The following NARS1 variants were observed in gnomAD, a reference collection of about 807,000 sequenced individuals.
The protein encoded by NARS1 is asparaginyl-tRNA synthetase 1.
In NARS1, 65 loss-of-function variants were observed where a neutral mutation model predicts 79.2. That is an observed-to-expected ratio of 0.82 (90% CI 0.67 to 1.01). The LOEUF (loss-of-function observed/expected upper bound fraction) is 1.01, where lower values mean the gene tolerates loss of function less well. Ranked by LOEUF, NARS1 falls within the 50% of genes least tolerant of loss-of-function variation. The probability of loss-of-function intolerance (pLI) is 0.00; values close to 1 mark genes in which losing one functional copy is unlikely to be tolerated. For synonymous variants in NARS1, 229 were observed against 238.8 expected (o/e 0.96, Z 0.38); for missense variants, 649 against 673.8 (o/e 0.96, Z 0.41).
intron 2 of NARS1, 31 bp downstream of exon 2, chr18:57,620,538 G>A (rs367606753): frequency 2.1e-6 from 3 of 1,410,536 alleles, no homozygotes; most frequent in African/African-American, 1.4e-5. Context: ...AATAAATGCA[G>A]TCTCATTTTC....
Position 57,605,971 on chromosome 18 carries a change from C to T in NARS1, c.1138-1G>A. 6.3e-7 allele frequency: 1 copy of T among 1,599,216 alleles called. No individual in the cohort carries two copies. ...AAGGCCGTTTGGGGGGCTGAAAGTT[C>T]TACAGAAGAAAGGAAAAATATAATG... On this transcript the variant is annotated splice_acceptor_variant, in intron 10 of 13. Transcript: ENST00000256854. LOFTEE classifies it high-confidence loss of function.
In NARS1 at chr18:57,611,709, T is replaced by TA. The variant is rs761525182; in HGVS notation, c.422-3dup. ...ACACCAGAAACATTAAATTCTTTCC[T>TA]AAAAAATGAGAAATAATAATTTAGG... On this transcript the variant is annotated splice_region_variant and splice_polypyrimidine_tract_variant and intron_variant, in intron 5 of 13. Transcript: ENST00000256854. 18 of 1,565,378 alleles carry TA rather than the reference T, an allele frequency of 1.1e-5. No homozygotes were observed. Among genetic ancestry groups the TA allele is most frequent in the Admixed American group, 3.7e-5 (2 of 54,774 alleles).
intron 7 of NARS1, among the ~76,000 whole-genome samples, chr18:57,608,113 G>A (rs1215930106): frequency 1.3e-5 from 2 of 148,446 alleles, no homozygotes; most frequent in South Asian, 2.3e-4. Context: ...TGATCCGCCC[G>A]CCTCGGCCTC....
At chr18:57,608,025 G>A (rs531736939) in intron 7 of NARS1, among the ~76,000 whole-genome samples, 55 of 151,860 alleles carry the variant, frequency 3.6e-4, no homozygotes, top group African/African-American at 1.2e-3. Flanking sequence ...CCACCACCAC[G>A]TCTGGCTAAT....
At chr18:57,616,137 C>G in intron 2 of NARS1, 162 bp from the exon 3 acceptor site, 1 of 670,428 alleles carries the variant, frequency 1.5e-6, no homozygotes, top group South Asian at 2.2e-5. Flanking sequence ...TTAAGAAGCA[C>G]ACTGGTTGGC....
Position 57,609,421 on chromosome 18 carries a change from A to C in NARS1, c.515T>G (p.Leu172Arg), listed in dbSNP as rs759359371. ...DELCQCYNGV[L>R]LSTESSVAVY... is the part of the protein sequence containing the mutation. ...TGCAACACTGCTCTCCGTGGACAAG[A>C]GAACTCCATTGTAGCACTGACACTA... Residue 172 changes from leucine (L) to arginine (R), a missense_variant, in exon 7 of 14, where the codon CTC becomes CGC. Transcript: ENST00000256854. The C allele has an allele frequency of 6.2e-7, 1 of 1,613,900 alleles. No individual in the cohort carries two copies. The highest frequency in any genetic ancestry group is 1.3e-5 in the African/African-American group (1 of 74,936).
chr18:57,606,267 A>G (rs1458173143), intron 10 of NARS1, among the ~76,000 whole-genome samples: 2 of 151,220 alleles, frequency 1.3e-5, no homozygotes, highest in African/African-American at 2.4e-5. Context: ...AATCGCTTGA[A>G]GCTGGGAGGC....
rs562487547 is a variant in NARS1, at chr18:57,608,608, C to T, written c.579+749G>A. ...GCCCATGAGGATGATTCAGGAATTC[C>T]GTAAGGCTGGAAATCATTGTATTCT... On this transcript the variant is annotated intron_variant, in intron 7 of 13. Coordinates refer to ENST00000256854, the MANE Select transcript of NARS1 (RefSeq NM_004539.4). Among the ~76,000 whole-genome samples, 8 of 152,138 alleles carry T rather than the reference C, an allele frequency of 5.3e-5. No individual in the cohort carries two copies. The East Asian group carries it at 1.4e-3, about 26-fold the overall frequency.
At position 57,615,861 on chromosome 18, in the gene NARS1, A is replaced by G. The variant is rs751445105; in HGVS notation, c.208T>C (p.Trp70Arg). ...TCACTCTTCATTTGTTCCCTATGCCACATCTTTTTAATGTTCTTCAACTGT... is the reference window on the plus strand; with the variant it reads ...TCACTCTTCATTTGTTCCCTATGCCGCATCTTTTTAATGTTCTTCAACTGT... ...KSQLKNIKKM[W>R]HREQMKSESR... Residue 70 changes from tryptophan to arginine, a missense_variant, in exon 3 of 14, where the codon TGG becomes CGG. Physicochemically the swap from Trp to Arg is moderately radical, Grantham distance 101. Coordinates refer to ENST00000256854, the MANE Select transcript of NARS1 (RefSeq NM_004539.4). 2 of 1,613,524 alleles carry G rather than the reference A, an allele frequency of 1.2e-6. No individual in the cohort carries two copies. Among genetic ancestry groups the G allele is most frequent in the East Asian group, 2.2e-5 (1 of 44,872 alleles).
chr18:57,608,118 G>A (rs550503183), intron 7 of NARS1, among the ~76,000 whole-genome samples: 6 of 150,568 alleles, frequency 4.0e-5, no homozygotes, highest in Non-Finnish European at 4.4e-5. Flanking sequence ...CGCCCGCCTC[G>A]GCCTCCCAAA....
At chr18:57,613,303 G>A (rs2051620272) in intron 5 of NARS1, among the ~76,000 whole-genome samples, 1 of 152,002 alleles carries the variant, frequency 6.6e-6, no homozygotes, top group Non-Finnish European at 1.5e-5. Context: ...GAGCAGACGG[G>A]CCAACATGGT....
chr18:57,601,520 T>C lies in NARS1; in HGVS notation c.*132A>G. On this transcript the variant is annotated 3_prime_UTR_variant, in exon 14 of 14. Transcript: ENST00000256854. Reference sequence around the variant, plus strand: ...TGTTCAGGTGATTTGAGATAGTTTTTATGGTAGTAGAAAGAAAAACAGAAA... The same window carrying C: ...TGTTCAGGTGATTTGAGATAGTTTTCATGGTAGTAGAAAGAAAAACAGAAA... The C allele has an allele frequency of 1.2e-6, 1 of 861,640 alleles. No homozygotes were observed. Among genetic ancestry groups the C allele is most frequent in the African/African-American group, 1.7e-5 (1 of 58,722 alleles). The allele number at this position is 861,640 out of a possible 1,614,324, so 53.4% of individuals were successfully genotyped here.
At chr18:57,621,326 G>A (rs1568168097) in intron 1 of NARS1, among the ~76,000 whole-genome samples, 1 of 151,110 alleles carries the variant, frequency 6.6e-6, no homozygotes, top group Non-Finnish European at 1.5e-5. Flanking sequence ...GAGGGTGGGA[G>A]AAAAACAACT....
chr18:57,612,207 C>G (rs1376616629), intron 5 of NARS1, among the ~76,000 whole-genome samples: 1 of 148,254 alleles, frequency 6.7e-6, no homozygotes, highest in African/African-American at 2.5e-5. Flanking sequence ...CTTTCAAATC[C>G]TACATGATCC....
chr18:57,615,124 C>T (rs1033767659), intron 4 of NARS1, among the ~76,000 whole-genome samples: 1 of 152,068 alleles, frequency 6.6e-6, no homozygotes, highest in African/African-American at 2.4e-5. Flanking sequence ...GCAGAAACTG[C>T]ACCACTGCAC....
chr18:57,615,503 A>AAAAT lies in NARS1; in HGVS notation c.342+134_342+137dup, dbSNP rs201027555. ...GGCGACAGAGCAAGACTCCGTCTCA[A>AAAAT]AAATAAATAAATAAATAAATAAATG... is the stretch of plus-strand genomic sequence containing the variant. On this transcript the variant is annotated intron_variant, in intron 4 of 13. Coordinates refer to ENST00000256854, the MANE Select transcript of NARS1 (RefSeq NM_004539.4). The AAAAT allele has an allele frequency of 3.2e-4, 197 of 618,334 alleles. No individual in the cohort carries two copies. In the East Asian group the frequency reaches 3.9e-3, roughly 12 times the overall value. 38.3% of individuals were successfully genotyped at this position (618,334 alleles called of 1,614,324 possible). A position where few individuals can be genotyped will look rare whatever the true frequency, so the allele number is the denominator to read the frequency against.
intron 9 of NARS1, 179 bp downstream of exon 9, chr18:57,606,955 G>T: frequency 1.1e-6 from 1 of 920,238 alleles, no homozygotes; most frequent in Non-Finnish European, 1.6e-6. Context: ...TCAAGTCAAA[G>T]TGAAAAAAGA....
At chr18:57,606,318 C>A (rs1342134341) in intron 10 of NARS1, among the ~76,000 whole-genome samples, 1 of 143,828 alleles carries the variant, frequency 7.0e-6, no homozygotes, top group Non-Finnish European at 1.5e-5. Context: ...TGTACTTCAG[C>A]CTGGCGACAG....
chr18:57,615,840 T>C lies in NARS1; in HGVS notation c.229A>G (p.Ser77Gly). 6.2e-7 allele frequency: 1 copy of C among 1,612,830 alleles called. No individual in the cohort carries two copies. The highest frequency in any genetic ancestry group is 1.1e-5 in the South Asian group (1 of 90,656). The change falls in exon 3 of 14, where the codon AGT becomes GGT. Residue 77 changes from serine (S) to glycine (G), a missense_variant. By Grantham distance (56) the Ser-to-Gly change is moderately conservative (BLOSUM62 0). Coordinates refer to ENST00000256854, the MANE Select transcript of NARS1 (RefSeq NM_004539.4). ...ACCTCTTTCTTTTCCCGGGATTCACTCTTCATTTGTTCCCTATGCCACATC... is the reference window on the plus strand; with the variant it reads ...ACCTCTTTCTTTTCCCGGGATTCACCCTTCATTTGTTCCCTATGCCACATC... ...KKMWHREQMK[S>G]ESREKKEAED...
Sources: allele counts gnomAD v4.1 joint callset (sites outside exome capture counted in the v4.1 genomes callset), GRCh38; gene constraint gnomAD v4.1.1; transcripts MANE v1.5; gene names NCBI Gene and HGNC (gene_info 2026-07-23, HGNC 2026-07-21).